TTC23L: variants seen among roughly 807,000 people sequenced by gnomAD.
TTC23L encodes the protein tetratricopeptide repeat domain 23 like.
A neutral mutation model predicts 48.1 loss-of-function variants in TTC23L; 42 were observed. The ratio of observed to expected loss-of-function variants is 0.87; its 90% CI spans 0.68 to 1.13. The LOEUF is 1.13. Among genes scored for constraint, TTC23L ranks in the 50% most tolerant of loss-of-function variants. The pLI, the probability that TTC23L is intolerant of heterozygous loss-of-function variation, is 0.00. For synonymous variants in TTC23L, 159 were observed against 157.2 expected (o/e 1.01, Z -0.09); for missense variants, 391 against 421.0 (o/e 0.93, Z 0.62).
the TTC23L span, chr5:34,925,277 C>T: frequency 6.2e-7 from 1 of 1,610,790 alleles, no homozygotes; most frequent in Admixed American, 1.7e-5. Context: ...AGAGAAACAG[C>T]AAGTGAAAGA....
In TTC23L at chr5:34,863,672, T is replaced by C; in HGVS notation, c.536+618T>C. On this transcript the variant is annotated intron_variant, in intron 5 of 10. Coordinates refer to ENST00000505624, the Ensembl canonical transcript of TTC23L. The surrounding 1 kb of genome is among the most constrained non-coding windows in gnomAD (Gnocchi z 4.1). ...CCATGAGGCTGGAGGCCAAGCAAAA[T>C]AGACAAAACAAGTAGTTCTATAAAT... 6.6e-6 allele frequency among the ~76,000 whole-genome samples: 1 copy of C among 152,166 alleles called. No individual in the cohort carries two copies. The highest frequency in any genetic ancestry group is 1.5e-5 in the Non-Finnish European group (1 of 68,020).
At chr5:34,925,386 T>C in the TTC23L span, 1 of 1,613,796 alleles carries the variant, frequency 6.2e-7, no homozygotes, top group Non-Finnish European at 8.5e-7. Flanking sequence ...CCAATAGAAA[T>C]ACAGTGGGTA....
At chr5:34,919,350 A>C in the TTC23L span, among the ~76,000 whole-genome samples, 15 of 146,506 alleles carry the variant, frequency 1.0e-4, no homozygotes, top group Non-Finnish European at 1.8e-4. Flanking sequence ...TGTTGTGCTT[A>C]TGTTGAGAGG....
At chr5:34,923,394 C>T in the TTC23L span, 8 of 617,470 alleles carry the variant, frequency 1.3e-5, no homozygotes, top group South Asian at 1.6e-4. Flanking sequence ...TCTGCTCCCT[C>T]AGTCTCCTGA....
chr5:34,916,825 T>C, the TTC23L span: 10 of 152,358 alleles, frequency 6.6e-5, no homozygotes, highest in African/African-American at 2.4e-4. Flanking sequence ...AGCCCCGTTA[T>C]TAACAGCAAC....
chr5:34,896,531 T>C (rs955504312), intron 9 of TTC23L, among the ~76,000 whole-genome samples: 8 of 152,166 alleles, frequency 5.3e-5, no homozygotes, highest in African/African-American at 1.9e-4. Context: ...TTAACAAACA[T>C]TTTTTGAGCA....
chr5:34,877,099 C>T (rs1156325901), intron 8 of TTC23L, among the ~76,000 whole-genome samples: 1 of 152,054 alleles, frequency 6.6e-6, no homozygotes, highest in Non-Finnish European at 1.5e-5. Context: ...CATCAATGTA[C>T]AAAAAGAATT....
intron 7 of TTC23L, 138 bp from the exon 8 acceptor site, chr5:34,868,767 A>T: frequency 1.4e-6 from 1 of 697,256 alleles, no homozygotes; most frequent in Non-Finnish European, 2.5e-6. Context: ...TATTCCTTCT[A>T]CGAATGAAGG....
intron 8 of TTC23L, among the ~76,000 whole-genome samples, chr5:34,875,928 C>A (rs1761803937): frequency 1.3e-5 from 2 of 152,082 alleles, no homozygotes. Context: ...AGAAAATGTA[C>A]AATGTCTGCT....
At chr5:34,865,499 A>T (rs779872581) in intron 6 of TTC23L, among the ~76,000 whole-genome samples, 1 of 152,194 alleles carries the variant, frequency 6.6e-6, no homozygotes, top group Non-Finnish European at 1.5e-5. Context: ...CTTATGTGAA[A>T]GATAGTCTTA....
rs763481385 is a variant in TTC23L, at chr5:34,869,052, A to C, written c.949+39A>C. On this transcript the variant is annotated intron_variant, in intron 8 of 10. Coordinates refer to ENST00000505624, the Ensembl canonical transcript of TTC23L. ...GTAGCCTTGAAGTTATTTCCCAGTC[A>C]CATGAGGGAAGCACATTGGCAAACA... 7 of 1,492,346 alleles carry C rather than the reference A, an allele frequency of 4.7e-6. No homozygotes were observed. In the South Asian group the frequency reaches 4.8e-5, roughly 10 times the overall value. 92.4% of individuals were successfully genotyped at this position (1,492,346 alleles called of 1,614,324 possible). A position where few individuals can be genotyped will look rare whatever the true frequency, so the allele number is the denominator to read the frequency against.
chr5:34,860,382 TACTA>T (rs1284486263), intron 4 of TTC23L, among the ~76,000 whole-genome samples: 9 of 152,240 alleles, frequency 5.9e-5, no homozygotes, highest in Non-Finnish European at 7.3e-5. Context: ...ATAAAGATTT[TACTA>T]ACTATGTATT....
chr5:34,879,180 A>T (rs1013597312), intron 8 of TTC23L, among the ~76,000 whole-genome samples: 3 of 152,154 alleles, frequency 2.0e-5, no homozygotes, highest in African/African-American at 7.2e-5. Flanking sequence ...GATAATGGAG[A>T]CTCATAAGGG....
At chr5:34,889,043 G>A (rs1009201651) in intron 9 of TTC23L, among the ~76,000 whole-genome samples, 6 of 152,048 alleles carry the variant, frequency 3.9e-5, no homozygotes, top group African/African-American at 1.4e-4. Flanking sequence ...GTATAGACTT[G>A]TCTCAGTCTT....
chr5:34,860,019 ATTTT>A (rs909885926), intron 4 of TTC23L, among the ~76,000 whole-genome samples: 1 of 147,454 alleles, frequency 6.8e-6, no homozygotes, highest in Non-Finnish European at 1.5e-5. Context: ...AATTTTTTGT[ATTTT>A]TTTTTAGTAG....
the TTC23L span, chr5:34,914,666 C>T: frequency 1.2e-6 from 2 of 1,608,264 alleles, no homozygotes; most frequent in Non-Finnish European, 1.7e-6. Flanking sequence ...GTATCTATGG[C>T]ACAGGCTTAA....
At chr5:34,909,800 T>C in the TTC23L span, among the ~76,000 whole-genome samples, 1 of 152,348 alleles carries the variant, frequency 6.6e-6, no homozygotes, top group South Asian at 2.1e-4. Context: ...TTTTCCTCAC[T>C]TGGTAATACC....
chr5:34,890,665 C>T (rs965237329), intron 9 of TTC23L, among the ~76,000 whole-genome samples: 3 of 152,142 alleles, frequency 2.0e-5, no homozygotes, highest in Non-Finnish European at 2.9e-5. Flanking sequence ...TTATGATTTA[C>T]TGAAGTTAAC....
chr5:34,859,119 C>T (rs879226019), intron 4 of TTC23L, among the ~76,000 whole-genome samples: 2 of 152,058 alleles, frequency 1.3e-5, no homozygotes, highest in African/African-American at 4.8e-5. Flanking sequence ...AAGGAGTGTC[C>T]GCTCATTTGG....
Sources: allele counts gnomAD v4.1 joint callset (sites outside exome capture counted in the v4.1 genomes callset), GRCh38; gene constraint gnomAD v4.1.1; non-coding constraint Gnocchi (gnomAD v3.1); transcripts MANE v1.5; gene names NCBI Gene and HGNC (gene_info 2026-07-23, HGNC 2026-07-21).